GATAD1: variants seen among roughly 807,000 people sequenced by gnomAD.
GATAD1 encodes the protein GATA zinc finger domain containing 1.
GATAD1 carries 12 observed loss-of-function variants against 26.5 expected under a neutral mutation model. The ratio of observed to expected loss-of-function variants is 0.45; its 90% CI spans 0.29 to 0.73. GATAD1 has a LOEUF of 0.73. GATAD1 is among the 30% of genes least tolerant of loss of function. GATAD1 has a pLI of 0.10. For synonymous variants in GATAD1, 129 were observed against 133.1 expected (o/e 0.97, Z 0.21); for missense variants, 266 against 342.1 (o/e 0.78, Z 1.75).
the GATAD1 span, among the ~76,000 whole-genome samples, chr7:92,480,721 G>A: frequency 3.9e-5 from 6 of 152,302 alleles, no homozygotes; most frequent in African/African-American, 1.4e-4. Flanking sequence ...GGCCATGAGG[G>A]ACAGAAGTTG....
At chr7:92,449,527 AT>A (rs1326808750) in intron 2 of GATAD1, 5 of 974,784 alleles carry the variant, frequency 5.1e-6, no homozygotes, top group African/African-American at 1.8e-5. Flanking sequence ...ATTATGGACT[AT>A]TTTTTTAAGT....
At chr7:92,464,082 T>C (rs79423543), downstream of GATAD1, among the ~76,000 whole-genome samples, 3,845 of 152,286 alleles carry the variant, frequency 0.025, 55 homozygotes, top group Middle Eastern at 0.075. Flanking sequence ...AAATAGAGAC[T>C]GAGTGAGGAG....
At chr7:92,494,222 G>A in the GATAD1 span, 1 of 1,125,436 alleles carries the variant, frequency 8.9e-7, no homozygotes. Context: ...CCATTACCTG[G>A]CAGAAGTAAA....
chr7:92,473,008 CA>C, the GATAD1 span: 1 of 152,166 alleles, frequency 6.6e-6, no homozygotes, highest in African/African-American at 2.4e-5. Context: ...AATGCCTGGC[CA>C]AATAGATGGG....
In GATAD1 at chr7:92,447,673, C is replaced by G; in HGVS notation, c.-57C>G. The G allele has an allele frequency of 7.3e-7, 1 of 1,365,814 alleles. No homozygotes were observed. Among genetic ancestry groups the G allele is most frequent in the Non-Finnish European group, 9.4e-7 (1 of 1,058,658 alleles). 84.6% of individuals were successfully genotyped at this position (1,365,814 alleles called of 1,614,324 possible). A position where few individuals can be genotyped will look rare whatever the true frequency, so the allele number is the denominator to read the frequency against. On this transcript the variant is annotated 5_prime_UTR_variant, in exon 1 of 5. Coordinates refer to ENST00000287957, the MANE Select transcript of GATAD1 (RefSeq NM_021167.5). ...GCGGGCCGACCAGGGGGCGGCCGGG[C>G]TACCGTCCGCCATTCCCGTGTCTCT...
In GATAD1 at chr7:92,458,178, G is replaced by GC. The variant is rs113105390; in HGVS notation, c.*1616_*1617insC. The GC allele has an allele frequency of 0.25, 38,053 of 152,024 alleles. 5,345 individuals are homozygous for GC. Among genetic ancestry groups the GC allele is most frequent in the African/African-American group, 0.39 (16,062 of 41,446 alleles). 9.4% of individuals were successfully genotyped at this position (152,024 alleles called of 1,614,324 possible). On this transcript the variant is annotated 3_prime_UTR_variant, in exon 5 of 5. Coordinates refer to ENST00000287957, the MANE Select transcript of GATAD1 (RefSeq NM_021167.5). ...AAAATTTTAATTTAATCCTTCTGTA[G>GC]AAACAGGCATTCAGAACCATTCCAT...
the GATAD1 span, among the ~76,000 whole-genome samples, chr7:92,483,343 G>A: frequency 6.6e-6 from 1 of 152,302 alleles, no homozygotes; most frequent in East Asian, 1.9e-4. Context: ...TGTGGCTGGG[G>A]TTTCTCTCAG....
At chr7:92,486,798 T>C in the GATAD1 span, among the ~76,000 whole-genome samples, 10 of 152,226 alleles carry the variant, frequency 6.6e-5, no homozygotes, top group African/African-American at 2.4e-4. Flanking sequence ...GCAGATTGTA[T>C]TGATGGTGGC....
chr7:92,454,197 A>G (rs1409354661), intron 3 of GATAD1: 1 of 285,404 alleles, frequency 3.5e-6, no homozygotes, highest in Non-Finnish European at 6.5e-6. Flanking sequence ...TCTGTAAAAA[A>G]TAAAGTCTAT....
chr7:92,485,559 C>T, the GATAD1 span, among the ~76,000 whole-genome samples: 898 of 152,292 alleles, frequency 5.9e-3, 6 homozygotes, highest in Non-Finnish European at 0.011. Context: ...TTCTTTTCTC[C>T]AAGCCTTCTT....
At chr7:92,455,736 G>A (rs1049378991) in intron 4 of GATAD1, among the ~76,000 whole-genome samples, 1 of 152,152 alleles carries the variant, frequency 6.6e-6, no homozygotes, top group African/African-American at 2.4e-5. Flanking sequence ...TCACCTATAT[G>A]TCAAGTTTGA....
At chr7:92,487,584 A>G in the GATAD1 span, 1 of 849,836 alleles carries the variant, frequency 1.2e-6, no homozygotes, top group East Asian at 2.5e-5. Context: ...AAATACTACC[A>G]TTACAAAACA....
intron 3 of GATAD1, 47 bp from the exon 4 acceptor site, chr7:92,454,455 T>G: frequency 7.3e-7 from 1 of 1,377,964 alleles, no homozygotes; most frequent in Non-Finnish European, 1.0e-6. Flanking sequence ...ATAGCTGTGA[T>G]GTTCTATTTT....
the GATAD1 span, among the ~76,000 whole-genome samples, chr7:92,466,122 C>T: frequency 2.5e-3 from 384 of 152,288 alleles, no homozygotes; most frequent in Non-Finnish European, 3.7e-3. Context: ...TTATACCTTA[C>T]ACACTTCTCC....
chr7:92,476,536 C>T, the GATAD1 span, among the ~76,000 whole-genome samples: 1 of 152,132 alleles, frequency 6.6e-6, no homozygotes, highest in Non-Finnish European at 1.5e-5. Context: ...TTTACCCTGG[C>T]TTTTAAAGGA....
the GATAD1 span, chr7:92,494,518 C>G: frequency 6.2e-7 from 1 of 1,613,802 alleles, no homozygotes; most frequent in Admixed American, 1.7e-5. Flanking sequence ...CCAACTGAGT[C>G]AGCAACTGGT....
the GATAD1 span, among the ~76,000 whole-genome samples, chr7:92,473,501 T>C: frequency 6.6e-6 from 1 of 152,050 alleles, no homozygotes; most frequent in Non-Finnish European, 1.5e-5. Flanking sequence ...TTGCCCAGAC[T>C]TCAGGATTAA....
the GATAD1 span, among the ~76,000 whole-genome samples, chr7:92,483,472 A>G: frequency 1.3e-5 from 2 of 152,194 alleles, no homozygotes; most frequent in Non-Finnish European, 2.9e-5. Context: ...GCCAGAATTT[A>G]ATTTTTGGAG....
At chr7:92,451,092 G>C (rs1789410404) in intron 3 of GATAD1, among the ~76,000 whole-genome samples, 1 of 152,176 alleles carries the variant, frequency 6.6e-6, no homozygotes, top group African/African-American at 2.4e-5. Context: ...TGGCATTGAA[G>C]AATGAGAAGG....
Sources: allele counts gnomAD v4.1 joint callset (sites outside exome capture counted in the v4.1 genomes callset), GRCh38; gene constraint gnomAD v4.1.1; transcripts MANE v1.5; gene names NCBI Gene and HGNC (gene_info 2026-07-23, HGNC 2026-07-21).